Variants in MTMR4 observed in about 807,000 individuals in gnomAD.
MTMR4 encodes phosphatidylinositol-3,5-bisphosphate 3-phosphatase MTMR4.
In MTMR4, 30 loss-of-function variants were observed where a neutral mutation model predicts 125.5. The observed-to-expected ratio is 0.24, with a 90% CI of 0.18 to 0.32. The LOEUF (loss-of-function observed/expected upper bound fraction) is 0.32, where lower values mean the gene tolerates loss of function less well. Ranked by LOEUF, MTMR4 falls within the 10% of genes least tolerant of loss-of-function variation. The pLI is 1.00. For synonymous variants in MTMR4, 498 were observed against 564.5 expected, an observed-to-expected ratio of 0.88 and a Z score of 1.67; for missense variants, 1,039 against 1,511.5, an observed-to-expected ratio of 0.69 and a Z score of 5.18.
Position 58,491,623 on chromosome 17 carries a change from C to G in MTMR4, c.*40G>C, listed in dbSNP as rs375200949. 1.9e-6 allele frequency: 3 copies of G among 1,595,042 alleles called. No homozygotes were observed. The highest frequency in any genetic ancestry group is 4.5e-5 in the East Asian group (2 of 44,388). ...AAACTACAACTGAAGAAGATCCTCC[C>G]TTCAAACCTGCTAAAATTGGACAGG... On this transcript the variant is annotated 3_prime_UTR_variant, in exon 18 of 18. Transcript: ENST00000682306.
rs572156303 is a variant in MTMR4 at position 58,495,369 on chromosome 17, G to A, written c.2815C>T (p.Arg939Trp). Residue 939 changes from arginine to tryptophan, a missense_variant, in exon 15 of 18, where the codon CGG (arginine) becomes TGG (tryptophan). Physicochemically the swap from Arg to Trp is moderately radical, Grantham distance 101. Around this residue, in one of 6 missense-constraint regions of MTMR4, gnomAD observed 619 missense variants for 714.5 expected, o/e 0.87. Transcript: ENST00000682306. The stretch of plus-strand genomic sequence containing the variant: ...CAACAGCCATAGGAAAGCAGCCGCC[G>A]AGGGGTGGCCTCCCCACTTGGGAAT... ...TSFPSGEATP[R>W]RLLSYGCCSK... The A allele has an allele frequency of 3.5e-5, 57 of 1,614,230 alleles. No homozygotes were observed. In the South Asian group the frequency reaches 4.1e-4, roughly 12 times the overall value.
In MTMR4 at chr17:58,504,288, G is replaced by T. The variant is rs1162200539; in HGVS notation, c.1527+15C>A. ...CATTCCCCCCATCCCTGTTGTCACA[G>T]GCCTTAGGACTTACCAGGAATGCTT... is the stretch of plus-strand genomic sequence containing the variant. On this transcript the variant is annotated intron_variant, in intron 12 of 17. Transcript: ENST00000682306. This position sits in a 1 kb window ranked among gnomAD's most constrained non-coding sequence, Gnocchi z 7.1. 1 of 1,607,524 alleles carries T rather than the reference G, an allele frequency of 6.2e-7. No individual in the cohort carries two copies. The highest frequency in any genetic ancestry group is 1.3e-5 in the African/African-American group (1 of 74,788).
chr17:58,512,342 T>C lies in MTMR4; in HGVS notation c.252+48A>G. 1 of 1,476,138 alleles carries C rather than the reference T, an allele frequency of 6.8e-7. No individual in the cohort carries two copies. Among genetic ancestry groups the C allele is most frequent in the Non-Finnish European group, 9.5e-7 (1 of 1,054,776 alleles). 91.4% of individuals were successfully genotyped at this position (1,476,138 alleles called of 1,614,324 possible). A position where few individuals can be genotyped will look rare whatever the true frequency, so the allele number is the denominator to read the frequency against. ...GCCTTGGAACAATCCCACCTTGAAC[T>C]TCATAGGGATTCTAGCTTAGGGGTA... On this transcript the variant is annotated intron_variant, in intron 3 of 17. Transcript: ENST00000682306. This position sits in a 1 kb window ranked among gnomAD's most constrained non-coding sequence, Gnocchi z 4.1.
At chr17:58,518,463 T>C (rs1053277368), upstream of MTMR4, among the ~76,000 whole-genome samples, 2 of 152,146 alleles carry the variant, frequency 1.3e-5, no homozygotes, top group African/African-American at 4.8e-5. Context: ...GTCTTGGTCA[T>C]CTCCGACTGG....
In MTMR4 at chr17:58,489,812, G is replaced by A. The variant is rs1280065410; in HGVS notation, c.*1851C>T. ...AAATGTTACCAATCTTACTCCCCTTGAAAACAGGCAGAGTGAAGTGCAATG... is the reference window on the plus strand; with the variant it reads ...AAATGTTACCAATCTTACTCCCCTTAAAAACAGGCAGAGTGAAGTGCAATG... On this transcript the variant is annotated 3_prime_UTR_variant, in exon 18 of 18. Transcript: ENST00000682306. 2.6e-5 allele frequency: 4 copies of A among 152,554 alleles called. No individual in the cohort carries two copies. Among genetic ancestry groups the A allele is most frequent in the Non-Finnish European group, 5.9e-5 (4 of 68,026 alleles). 9.5% of individuals were successfully genotyped at this position (152,554 alleles called of 1,614,324 possible).
At chr17:58,516,476 G>T, upstream of MTMR4, 3 of 1,230,800 alleles carry the variant, frequency 2.4e-6, no homozygotes, top group Admixed American at 3.4e-5. Context: ...GAGCTGAACA[G>T]GGTAGCCTGG....
At chr17:58,515,503 G>A (rs546846377), upstream of MTMR4, among the ~76,000 whole-genome samples, 1 of 152,306 alleles carries the variant, frequency 6.6e-6, no homozygotes, top group African/African-American at 2.4e-5. Context: ...GAGCCAGGCA[G>A]TTTCTAACAT....
chr17:58,503,713 G>A (rs1975701441), intron 14 of MTMR4, 31 bp downstream of exon 14: 4 of 1,594,594 alleles, frequency 2.5e-6, no homozygotes, highest in Non-Finnish European at 3.4e-6. Context: ...TCCTAGTGGA[G>A]AGAGGAGAAA....
At chr17:58,507,975 G>A in intron 7 of MTMR4, 186 bp downstream of exon 7, 1 of 536,194 alleles carries the variant, frequency 1.9e-6, no homozygotes, top group South Asian at 2.1e-5. Flanking sequence ...GGGGGGGAAT[G>A]AATAAACTCC....
chr17:58,500,117 G>T (rs532141993), intron 14 of MTMR4, among the ~76,000 whole-genome samples: 50 of 152,074 alleles, frequency 3.3e-4, no homozygotes, highest in African/African-American at 1.1e-3. Context: ...TTTCTCTAAA[G>T]CTTTGAACTA....
Position 58,492,879 on chromosome 17 carries a change from T to C in MTMR4, c.3326A>G (p.Glu1109Gly), listed in dbSNP as rs1203671794. The change falls in exon 16 of 18, where the codon GAA becomes GGA. Residue 1109 changes from glutamate to glycine, a missense_variant. By Grantham distance (98) the Glu-to-Gly change is moderately conservative. This residue lies in a region of MTMR4 where 60 missense variants were observed against 129.6 expected (regional missense o/e 0.46). Coordinates refer to ENST00000682306, the MANE Select transcript of MTMR4 (RefSeq NM_001378067.1). ...GSDHSEDCLS[E>G]ASWEPVDKKE... ...CTTATCAACAGGTTCCCAGCTTGCT[T>C]CTGAAAGGCAGTCTTCACTGTGATC... 5 of 1,614,242 alleles carry C rather than the reference T, an allele frequency of 3.1e-6. No individual in the cohort carries two copies. The highest frequency in any genetic ancestry group is 4.2e-6 in the Non-Finnish European group (5 of 1,180,042).
At position 58,508,881 on chromosome 17, in the gene MTMR4, G is replaced by A. The variant is rs36056793; in HGVS notation, c.336-40C>T. The A allele has an allele frequency of 0.057, 91,017 of 1,597,170 alleles. 3,086 individuals carry two copies. Among genetic ancestry groups the A allele is most frequent in the Non-Finnish European group, 0.063 (73,461 of 1,167,220 alleles). ...GCCACAGGCCTAGGTGAGGCAAAGT[G>A]CAGTTGTGCCATGGGGCTATCAGGG... On this transcript the variant is annotated intron_variant, in intron 4 of 17. Transcript: ENST00000682306. The surrounding 1 kb of genome is among the most constrained non-coding windows in gnomAD (Gnocchi z 4.8).
At position 58,504,662 on chromosome 17, in the gene MTMR4, G is replaced by GA. The variant is rs1436855202; in HGVS notation, c.1341+116dup. 36 of 1,376,170 alleles carry GA rather than the reference G, an allele frequency of 2.6e-5. No homozygotes were observed. Among genetic ancestry groups the GA allele is most frequent in the Non-Finnish European group, 3.4e-5 (34 of 1,011,510 alleles). The allele number at this position is 1,376,170 out of a possible 1,614,324, so 85.2% of individuals were successfully genotyped here. On this transcript the variant is annotated intron_variant, in intron 11 of 17. Coordinates refer to ENST00000682306, the MANE Select transcript of MTMR4 (RefSeq NM_001378067.1). The surrounding 1 kb of genome is among the most constrained non-coding windows in gnomAD (Gnocchi z 7.1). ...AGCCTTTGGGAGTTGGAAAAAAAAA[G>GA]AAAAAAAGAGCCACCAATGTCCTCT...
At chr17:58,515,343 G>T (rs1219551615), upstream of MTMR4, among the ~76,000 whole-genome samples, 3 of 152,194 alleles carry the variant, frequency 2.0e-5, no homozygotes, top group Non-Finnish European at 4.4e-5. Context: ...GGAATAAGGG[G>T]CTCAAAATGT....
intron 17 of MTMR4, among the ~76,000 whole-genome samples, chr17:58,492,195 CAG>C (rs1185515033): frequency 3.3e-5 from 5 of 152,148 alleles, no homozygotes; most frequent in African/African-American, 1.2e-4. Context: ...CTTTTTGAGA[CAG>C]AGTCTTGCTC....
Position 58,504,649 on chromosome 17 carries a change from T to C in MTMR4, c.1341+130A>G. The C allele has an allele frequency of 1.5e-6, 2 of 1,362,850 alleles. No individual in the cohort carries two copies. The highest frequency in any genetic ancestry group is 2.3e-5 in the East Asian group (1 of 43,164). 84.4% of individuals were successfully genotyped at this position (1,362,850 alleles called of 1,614,324 possible). The stretch of plus-strand genomic sequence containing the variant: ...CACCAATTTTCCAAGCCTTTGGGAG[T>C]TGGAAAAAAAAAGAAAAAAAGAGCC... On this transcript the variant is annotated intron_variant, in intron 11 of 17. Coordinates refer to ENST00000682306, the MANE Select transcript of MTMR4 (RefSeq NM_001378067.1). The surrounding 1 kb of genome is among the most constrained non-coding windows in gnomAD (Gnocchi z 7.1).
chr17:58,507,925 ACACAC>A, intron 7 of MTMR4: 1 of 186,604 alleles, frequency 5.4e-6, no homozygotes. Flanking sequence ...TTATACACAC[ACACAC>A]ACACACACAC....
In MTMR4 at chr17:58,512,649, C is replaced by A; in HGVS notation, c.136-143G>T. The A allele has an allele frequency of 1.2e-6, 1 of 815,712 alleles. No homozygotes were observed. Among genetic ancestry groups the A allele is most frequent in the Admixed American group, 2.1e-5 (1 of 47,386 alleles). 50.5% of individuals were successfully genotyped at this position (815,712 alleles called of 1,614,324 possible). A position where few individuals can be genotyped will look rare whatever the true frequency, so the allele number is the denominator to read the frequency against. On this transcript the variant is annotated intron_variant, in intron 2 of 17. Coordinates refer to ENST00000682306, the MANE Select transcript of MTMR4 (RefSeq NM_001378067.1). This position sits in a 1 kb window ranked among gnomAD's most constrained non-coding sequence, Gnocchi z 4.1. ...TTCTCTCCACGGTAACAGCACCAGGCAACAGCTGTACAGGAAAGCTGCCTT... is the reference window on the plus strand; with the variant it reads ...TTCTCTCCACGGTAACAGCACCAGGAAACAGCTGTACAGGAAAGCTGCCTT...
chr17:58,511,225 C>A (rs1462243922), intron 4 of MTMR4: 1 of 509,056 alleles, frequency 2.0e-6, no homozygotes, highest in Non-Finnish European at 3.5e-6. Flanking sequence ...ACTCCATGAA[C>A]TAGGCATTAC....
Sources: allele counts gnomAD v4.1 joint callset (sites outside exome capture counted in the v4.1 genomes callset), GRCh38; gene constraint gnomAD v4.1.1; regional missense constraint gnomAD v4.1.1; non-coding constraint Gnocchi (gnomAD v3.1); transcripts MANE v1.5; gene names NCBI Gene and HGNC (gene_info 2026-07-23, HGNC 2026-07-21).